Variants in THAP6 observed in about 807,000 individuals in gnomAD.
THAP6 encodes the protein THAP domain containing 6.
Under a neutral mutation model 20.0 loss-of-function variants are expected in THAP6, and 13 were observed. That is an observed-to-expected ratio of 0.65 (90% CI 0.42 to 1.03). The LOEUF is 1.03. THAP6 is among the 50% of genes least tolerant of loss of function. The probability of loss-of-function intolerance (pLI) is 0.00; values close to 1 mark genes in which losing one functional copy is unlikely to be tolerated. For synonymous variants in THAP6, 93 were observed against 92.2 expected (o/e 1.01, Z -0.05); for missense variants, 262 against 261.6 (o/e 1.00, Z -0.01).
At chr4:75,521,643 ATTAAC>A in intron 3 of THAP6, 88 bp from the exon 4 acceptor site, 2 of 1,280,754 alleles carry the variant, frequency 1.6e-6, no homozygotes, top group Non-Finnish European at 2.1e-6. Flanking sequence ...GAAATGTGGT[ATTAAC>A]TTCACTATAC....
rs112534656 is a variant in THAP6, at chr4:75,516,934, A to C, written c.243A>C (p.Lys81Asn). ...FDRSAPNIKL[K>N]PGVIPSIFDS... The stretch of plus-strand genomic sequence containing the variant: ...GAAGTGCTCCAAATATTAAACTGAA[A>C]CCTGGAGTCATACCTTCTATCTTTG... The change falls in exon 3 of 5, where the codon AAA (lysine) becomes AAC (asparagine). Residue 81 changes from lysine to asparagine, a missense_variant. Coordinates refer to ENST00000311638, the MANE Select transcript of THAP6 (RefSeq NM_144721.6). 1 of 1,613,534 alleles carries C rather than the reference A, an allele frequency of 6.2e-7. No individual in the cohort carries two copies. Among genetic ancestry groups the C allele is most frequent in the Admixed American group, 1.7e-5 (1 of 59,964 alleles).
chr4:75,530,746 G>T (rs548264878), downstream of THAP6, among the ~76,000 whole-genome samples: 2 of 152,324 alleles, frequency 1.3e-5, no homozygotes, highest in South Asian at 2.1e-4. Flanking sequence ...CCCAATGGTT[G>T]TATGGCATCT....
At chr4:75,513,920 C>T (rs964316371), upstream of THAP6, 2 of 297,628 alleles carry the variant, frequency 6.7e-6, no homozygotes, top group Middle Eastern at 1.8e-3. Flanking sequence ...TCTACTTCGG[C>T]AGCAAAAGAC....
intron 4 of THAP6, chr4:75,522,433 T>A (rs550877263): frequency 6.6e-6 from 1 of 152,380 alleles, no homozygotes; most frequent in Non-Finnish European, 1.5e-5. Flanking sequence ...ATTTATCTTT[T>A]ATGTTACAAA....
At chr4:75,536,852 G>A in intron 2 of THAP6, among the ~76,000 whole-genome samples, 1 of 152,088 alleles carries the variant, frequency 6.6e-6, no homozygotes. Context: ...TAAATACAAA[G>A]AATCCAGTAG....
In THAP6 at chr4:75,521,690, A is replaced by T. The variant is rs772696183; in HGVS notation, c.289-46A>T. 6 of 1,523,930 alleles carry T rather than the reference A, an allele frequency of 3.9e-6. No homozygotes were observed. In the African/African-American group the frequency reaches 8.7e-5, roughly 22 times the overall value. 94.4% of individuals were successfully genotyped at this position (1,523,930 alleles called of 1,614,324 possible). On this transcript the variant is annotated intron_variant, in intron 3 of 4. Transcript: ENST00000311638. Reference sequence around the variant, plus strand: ...AAGAAGGAATAAAAATTTAAGAAAGAACAAAAGTATCTCACTTGATGATTA... The same window carrying T: ...AAGAAGGAATAAAAATTTAAGAAAGTACAAAAGTATCTCACTTGATGATTA...
intron 4 of THAP6, 96 bp downstream of exon 4, chr4:75,521,957 G>C: frequency 1.4e-6 from 2 of 1,459,054 alleles, no homozygotes. Flanking sequence ...GCAAAATCTA[G>C]GGGTTAATAT....
chr4:75,520,544 A>C (rs560189003), intron 3 of THAP6, among the ~76,000 whole-genome samples: 20 of 152,206 alleles, frequency 1.3e-4, no homozygotes, highest in Non-Finnish European at 2.8e-4. Flanking sequence ...ACATATGAAC[A>C]ATAGTATGTG....
chr4:75,523,619 C>T (rs1726174132), intron 4 of THAP6, among the ~76,000 whole-genome samples: 1 of 151,894 alleles, frequency 6.6e-6, no homozygotes, highest in South Asian at 2.1e-4. Flanking sequence ...GCCTGGGAAA[C>T]ATGGTGAAAC....
chr4:75,543,824 G>C (rs952335284), intron 3 of THAP6, among the ~76,000 whole-genome samples: 2 of 152,320 alleles, frequency 1.3e-5, no homozygotes, highest in East Asian at 3.9e-4. Context: ...TTTTTTGTTA[G>C]TAAATCGCTT....
chr4:75,527,303 T>C lies in THAP6; in HGVS notation c.*89T>C. 3 of 1,528,820 alleles carry C rather than the reference T, an allele frequency of 2.0e-6. No homozygotes were observed. The highest frequency in any genetic ancestry group is 1.8e-4 in the Middle Eastern group (1 of 5,648). The allele number at this position is 1,528,820 out of a possible 1,614,324, so 94.7% of individuals were successfully genotyped here. On this transcript the variant is annotated 3_prime_UTR_variant, in exon 5 of 5. Coordinates refer to ENST00000311638, the MANE Select transcript of THAP6 (RefSeq NM_144721.6). ...TACCATCACTAAATAATATCCATCA[T>C]TTAAAGTGCTGCTTTGGATTCTCTG... is the stretch of plus-strand genomic sequence containing the variant.
intron 3 of THAP6, chr4:75,543,085 CA>C (rs1330785750): frequency 6.6e-6 from 1 of 152,368 alleles, no homozygotes; most frequent in Non-Finnish European, 1.5e-5. Context: ...TGGTTTCTCT[CA>C]GCTCTCAGGA....
chr4:75,516,426 A>G (rs986187500), intron 2 of THAP6, among the ~76,000 whole-genome samples: 2 of 152,238 alleles, frequency 1.3e-5, no homozygotes, highest in East Asian at 1.9e-4. Flanking sequence ...ATCATTTCAG[A>G]TAGGAAAAGG....
chr4:75,523,762 C>G (rs2148816544), intron 4 of THAP6, among the ~76,000 whole-genome samples: 1 of 144,616 alleles, frequency 6.9e-6, no homozygotes, highest in South Asian at 2.1e-4. Flanking sequence ...ATCGCATTCA[C>G]TGTACTCCAG....
At position 75,519,234 on chromosome 4, in the gene THAP6, A is replaced by G. The variant is rs185166309; in HGVS notation, c.288+2255A>G. Among the ~76,000 whole-genome samples, 648 of 151,532 alleles carry G rather than the reference A, an allele frequency of 4.3e-3. 2 individuals carry two copies. The highest frequency in any genetic ancestry group is 6.4e-3 in the Non-Finnish European group (434 of 67,960). ...TTGCTGTATGGTATTGCATTGTACA[A>G]TTTCTTCATTCTACTATTGATAAAT... On this transcript the variant is annotated intron_variant, in intron 3 of 4. Transcript: ENST00000311638.
chr4:75,523,849 T>C (rs531690225), intron 4 of THAP6, among the ~76,000 whole-genome samples: 3 of 151,930 alleles, frequency 2.0e-5, no homozygotes, highest in African/African-American at 7.2e-5. Flanking sequence ...CAGACCAATG[T>C]CCTGGAGAGT....
At chr4:75,519,576 G>T (rs914409300) in intron 3 of THAP6, among the ~76,000 whole-genome samples, 112 of 151,438 alleles carry the variant, frequency 7.4e-4, no homozygotes, top group Non-Finnish European at 1.4e-3. Context: ...AGAATACGCG[G>T]TGTTTGGTTT....
Position 75,529,791 on chromosome 4 carries a change from C to G in THAP6, c.*2577C>G, listed in dbSNP as rs1726610123. Reference sequence around the variant, plus strand: ...CAACAGTTCAACCTCAGCACCAAGTCAGGTACGAAGCGCTTGATACGTGGA... The same window carrying G: ...CAACAGTTCAACCTCAGCACCAAGTGAGGTACGAAGCGCTTGATACGTGGA... On this transcript the variant is annotated 3_prime_UTR_variant, in exon 5 of 5. Coordinates refer to ENST00000311638, the MANE Select transcript of THAP6 (RefSeq NM_144721.6). The G allele has an allele frequency of 2.1e-5, 21 of 985,396 alleles. 1 individual carries two copies. In the South Asian group the frequency reaches 8.9e-4, roughly 42 times the overall value. 61.0% of individuals were successfully genotyped at this position (985,396 alleles called of 1,614,324 possible).
chr4:75,515,811 C>A (rs999034368), intron 2 of THAP6, among the ~76,000 whole-genome samples: 3 of 152,136 alleles, frequency 2.0e-5, no homozygotes, highest in African/African-American at 7.2e-5. Flanking sequence ...ATCACACCGC[C>A]AAAGAAATTC....
Sources: allele counts gnomAD v4.1 joint callset (sites outside exome capture counted in the v4.1 genomes callset), GRCh38; gene constraint gnomAD v4.1.1; transcripts MANE v1.5; gene names NCBI Gene and HGNC (gene_info 2026-07-23, HGNC 2026-07-21).